ATRN: variants seen among roughly 807,000 people sequenced by gnomAD.
The protein encoded by ATRN is attractin.
ATRN carries 54 observed loss-of-function variants against 178.7 expected under a neutral mutation model. That is an observed-to-expected ratio of 0.30 (90% CI 0.24 to 0.38). The LOEUF (loss-of-function observed/expected upper bound fraction) is 0.38, where lower values mean the gene tolerates loss of function less well. Among genes scored for constraint, ATRN ranks in the 10% least tolerant of loss-of-function variants. The pLI is 1.00. For missense variants in ATRN, 1,443 were observed against 1,815.1 expected (o/e 0.79, Z 3.73); for synonymous variants, 636 against 663.0 (o/e 0.96, Z 0.63).
At chr20:3,506,508 C>T (rs1339060613) in intron 1 of ATRN, among the ~76,000 whole-genome samples, 3 of 151,594 alleles carry the variant, frequency 2.0e-5, no homozygotes, top group African/African-American at 7.3e-5. Context: ...CCTGTAATGC[C>T]AGCTAATTAG....
chr20:3,546,396 T>TG (rs1224017975), intron 4 of ATRN, among the ~76,000 whole-genome samples: 3 of 148,586 alleles, frequency 2.0e-5, no homozygotes, highest in Non-Finnish European at 4.5e-5. Context: ...ACTGTTTTTT[T>TG]TTTTTTTTTT....
intron 15 of ATRN, among the ~76,000 whole-genome samples, chr20:3,579,228 G>A (rs2086250150): frequency 6.6e-6 from 1 of 152,198 alleles, no homozygotes; most frequent in South Asian, 2.1e-4. Flanking sequence ...GCTCACACCT[G>A]TAATCCCAGC....
intron 1 of ATRN, among the ~76,000 whole-genome samples, chr20:3,479,285 T>G (rs1256914672): frequency 1.3e-5 from 2 of 152,182 alleles, no homozygotes; most frequent in African/African-American, 4.8e-5. Flanking sequence ...TCCTTGAGGA[T>G]ATGAAGGTGT....
chr20:3,644,455 A>T (rs2087092404), intron 28 of ATRN, among the ~76,000 whole-genome samples, 187 bp downstream of exon 28: 1 of 152,196 alleles, frequency 6.6e-6, no homozygotes, highest in African/African-American at 2.4e-5. Flanking sequence ...TCCCGAGGTC[A>T]TCGTCCCTTC....
chr20:3,589,840 G>C (rs898835147), intron 18 of ATRN, among the ~76,000 whole-genome samples: 2 of 152,198 alleles, frequency 1.3e-5, no homozygotes, highest in Non-Finnish European at 2.9e-5. Flanking sequence ...GGGTGGCTGG[G>C]TGCAATTAGC....
chr20:3,471,080 C>T lies in ATRN; in HGVS notation c.-28C>T, dbSNP rs1425665256. ...GCCGTGCGGTGTGTGTGTATGTGTT[C>T]GCGGGGCGCCGTCTCAGCCCCGGGA... On this transcript the variant is annotated 5_prime_UTR_variant, in exon 1 of 29. Coordinates refer to ENST00000262919, the MANE Select transcript of ATRN (RefSeq NM_139321.3). The T allele has an allele frequency of 2.0e-6, 3 of 1,501,442 alleles. No individual in the cohort carries two copies. Among genetic ancestry groups the T allele is most frequent in the Non-Finnish European group, 1.8e-6 (2 of 1,131,744 alleles). The allele number at this position is 1,501,442 out of a possible 1,614,324, so 93.0% of individuals were successfully genotyped here.
At chr20:3,489,687 G>GCA (rs2084756138) in intron 1 of ATRN, 2 of 1,571,516 alleles carry the variant, frequency 1.3e-6, no homozygotes, top group African/African-American at 2.7e-5. Flanking sequence ...TTCAATCTGC[G>GCA]TCACATTAGC....
rs148276452 is a variant in ATRN, at chr20:3,560,391, A to G, written c.1204-271A>G. On this transcript the variant is annotated intron_variant, in intron 7 of 28. Coordinates refer to ENST00000262919, the MANE Select transcript of ATRN (RefSeq NM_139321.3). The stretch of plus-strand genomic sequence containing the variant: ...TACACCACATTTTCTTTATCTAATT[A>G]TCCATTGATAGACACGTTGATTCCA... Among the ~76,000 whole-genome samples the G allele has an allele frequency of 5.3e-3, 811 of 152,248 alleles. 16 individuals carry two copies. The highest frequency in any genetic ancestry group is 0.019 in the African/African-American group (774 of 41,548).
At position 3,549,156 on chromosome 20, in the gene ATRN, T is replaced by C. The variant is rs771865961; in HGVS notation, c.944-14T>C. 6.4e-7 allele frequency: 1 copy of C among 1,567,054 alleles called. No individual in the cohort carries two copies. Among genetic ancestry groups the C allele is most frequent in the Non-Finnish European group, 8.6e-7 (1 of 1,163,018 alleles). ...GCTGTCTTTTGTGAAGCTAATTCAT[T>C]ATGTTTTTATTAGGTCCTGGATGTT... On this transcript the variant is annotated splice_polypyrimidine_tract_variant and intron_variant, in intron 5 of 28. Transcript: ENST00000262919.
At chr20:3,552,009 T>G (rs2085794292) in intron 6 of ATRN, among the ~76,000 whole-genome samples, 1 of 152,220 alleles carries the variant, frequency 6.6e-6, no homozygotes, top group South Asian at 2.1e-4. Context: ...CCATTCTTAG[T>G]TCTTATCTTA....
At chr20:3,553,099 A>G (rs971944288) in intron 6 of ATRN, among the ~76,000 whole-genome samples, 1 of 152,172 alleles carries the variant, frequency 6.6e-6, no homozygotes, top group African/African-American at 2.4e-5. Flanking sequence ...ACGATAGGTC[A>G]TATCTTGTTA....
intron 22 of ATRN, 33 bp downstream of exon 22, chr20:3,598,033 T>TTA: frequency 2.9e-6 from 4 of 1,368,902 alleles, no homozygotes; most frequent in Non-Finnish European, 4.2e-6. Context: ...TATTTTGTTT[T>TTA]GAATTTGTAT....
intron 19 of ATRN, among the ~76,000 whole-genome samples, chr20:3,591,940 T>C (rs1453115978): frequency 6.6e-6 from 1 of 152,134 alleles, no homozygotes; most frequent in Admixed American, 6.6e-5. Flanking sequence ...CCTGAGTCCT[T>C]AACTGCACCT....
intron 1 of ATRN, among the ~76,000 whole-genome samples, chr20:3,494,838 T>C (rs1285447200): frequency 6.6e-6 from 1 of 152,166 alleles, no homozygotes; most frequent in Non-Finnish European, 1.5e-5. Flanking sequence ...GACCTTGATC[T>C]AGCCAGGACA....
chr20:3,478,915 C>T (rs986546049), intron 1 of ATRN, among the ~76,000 whole-genome samples: 1 of 146,800 alleles, frequency 6.8e-6, no homozygotes, highest in African/African-American at 2.5e-5. Context: ...ATCTATAATT[C>T]ATACCCTTTT....
Position 3,541,226 on chromosome 20 carries a change from C to T in ATRN, c.608+891C>T, listed in dbSNP as rs1311784283. Among the ~76,000 whole-genome samples the T allele has an allele frequency of 4.6e-5, 7 of 151,024 alleles. No homozygotes were observed. The South Asian group carries it at 6.3e-4, about 14-fold the overall frequency. On this transcript the variant is annotated intron_variant, in intron 3 of 28. Coordinates refer to ENST00000262919, the MANE Select transcript of ATRN (RefSeq NM_139321.3). Reference sequence around the variant, plus strand: ...CCGAGTAGCTGGGACTACAGGCGCCCGCTACCACGCCCGGCTAATTTTTTG... The same window carrying T: ...CCGAGTAGCTGGGACTACAGGCGCCTGCTACCACGCCCGGCTAATTTTTTG...
intron 25 of ATRN, among the ~76,000 whole-genome samples, chr20:3,628,710 T>C (rs1448095873): frequency 6.6e-6 from 1 of 152,002 alleles, no homozygotes; most frequent in Non-Finnish European, 1.5e-5. Flanking sequence ...AGCAGGACAC[T>C]ATATTGCCAA....
At chr20:3,548,685 G>A (rs942011922) in intron 5 of ATRN, among the ~76,000 whole-genome samples, 1 of 151,852 alleles carries the variant, frequency 6.6e-6, no homozygotes, top group Admixed American at 6.6e-5. Flanking sequence ...ATTGTGTTAA[G>A]TATTATAAGT....
At chr20:3,622,378 T>C (rs2086903223) in intron 24 of ATRN, among the ~76,000 whole-genome samples, 1 of 152,260 alleles carries the variant, frequency 6.6e-6, no homozygotes, top group African/African-American at 2.4e-5. Flanking sequence ...CCAACAGCGC[T>C]TCCACTAAAA....
Sources: gnomAD v4.1 joint callset for allele counts (sites outside exome capture counted in the v4.1 genomes callset) on GRCh38, gnomAD v4.1.1 for gene constraint, MANE v1.5 for transcripts, NCBI Gene and HGNC (gene_info 2026-07-23, HGNC 2026-07-21) for gene names.